REXO1: variants seen among roughly 807,000 people sequenced by gnomAD.
REXO1 encodes the protein RNA exonuclease 1 homolog.
A neutral mutation model predicts 102.6 loss-of-function variants in REXO1; 42 were observed. The observed-to-expected ratio is 0.41, with a 90% CI of 0.32 to 0.53. REXO1 has a LOEUF of 0.53. Among genes scored for constraint, REXO1 ranks in the 20% least tolerant of loss-of-function variants. The pLI is 0.27. For synonymous variants in REXO1, 908 were observed against 779.1 expected (o/e 1.17, Z -2.76); for missense variants, 1,819 against 1,732.5 (o/e 1.05, Z -0.89).
At chr19:1,839,712 G>A (rs538875916) in intron 1 of REXO1, among the ~76,000 whole-genome samples, 2 of 152,378 alleles carry the variant, frequency 1.3e-5, no homozygotes, top group African/African-American at 4.8e-5. Context: ...ACAAAGGGCA[G>A]GGCCCTCCCT....
Position 1,815,775 on chromosome 19 carries a change from A to G in REXO1, c.*291T>C. The G allele has an allele frequency of 6.9e-7, 1 of 1,445,122 alleles. No individual in the cohort carries two copies. The allele number at this position is 1,445,122 out of a possible 1,614,324, so 89.5% of individuals were successfully genotyped here. A position where few individuals can be genotyped will look rare whatever the true frequency, so the allele number is the denominator to read the frequency against. ...GGGAGGGCCTGGCAGGAGGGGCAGG[A>G]GGGGCTGCGGGCCGGGTGGGGGCGG... On this transcript the variant is annotated 3_prime_UTR_variant, in exon 16 of 16. Coordinates refer to ENST00000170168, the MANE Select transcript of REXO1 (RefSeq NM_020695.4). This position sits in a 1 kb window ranked among gnomAD's most constrained non-coding sequence, Gnocchi z 4.0.
chr19:1,837,780 A>G (rs777869480), intron 1 of REXO1, among the ~76,000 whole-genome samples: 16 of 152,308 alleles, frequency 1.1e-4, no homozygotes, highest in Admixed American at 2.6e-4. Flanking sequence ...GTGCAGTGCC[A>G]GGACCGCCCA....
intron 3 of REXO1, among the ~76,000 whole-genome samples, chr19:1,825,526 A>T (rs1254148079): frequency 2.0e-5 from 3 of 150,556 alleles, no homozygotes; most frequent in African/African-American, 7.3e-5. Context: ...CCCAGGCTGG[A>T]GTGCAGTGGT....
At chr19:1,837,159 C>T (rs1365919809) in intron 1 of REXO1, among the ~76,000 whole-genome samples, 1 of 152,222 alleles carries the variant, frequency 6.6e-6, no homozygotes, top group African/African-American at 2.4e-5. Flanking sequence ...CGGGAGCGCC[C>T]ATCCCATAAC....
At position 1,827,588 on chromosome 19, in the gene REXO1, C is replaced by T. The variant is rs772427261; in HGVS notation, c.1201G>A (p.Asp401Asn). 6.3e-7 allele frequency: 1 copy of T among 1,592,586 alleles called. No homozygotes were observed. The highest frequency in any genetic ancestry group is 1.1e-5 in the South Asian group (1 of 88,538). The change falls in exon 2 of 16, where the codon GAC becomes AAC. Residue 401 changes from aspartate (D) to asparagine (N), a missense_variant. Physicochemically the swap from Asp to Asn is conservative, Grantham distance 23. Coordinates refer to ENST00000170168, the MANE Select transcript of REXO1 (RefSeq NM_020695.4). Reference sequence around the variant, plus strand: ...TCCACAGGCCGCCCTCGGCCCTTGTCCTTGGTCTTGTCCTTCCCCTGGGCC... The same window carrying T: ...TCCACAGGCCGCCCTCGGCCCTTGTTCTTGGTCTTGTCCTTCCCCTGGGCC... ...DGAQGKDKTK[D>N]KGRGRPVEKP...
intron 1 of REXO1, among the ~76,000 whole-genome samples, chr19:1,844,709 C>T (rs1288026272): frequency 4.6e-5 from 7 of 152,218 alleles, no homozygotes; most frequent in Non-Finnish European, 1.5e-5. Context: ...ATCCTGAACC[C>T]GACTGCGGGA....
intron 1 of REXO1, among the ~76,000 whole-genome samples, chr19:1,836,743 CAA>C (rs1185957602): frequency 6.2e-5 from 4 of 64,584 alleles, no homozygotes; most frequent in African/African-American, 1.4e-4. Flanking sequence ...AAGACTGTCT[CAA>C]AAAAAAAAAA....
At position 1,828,608 on chromosome 19, in the gene REXO1, G is replaced by C; in HGVS notation, c.181C>G (p.Pro61Ala). ...AAGLGYDPYN[P>A]ELPKPPAQRE... ...TGCGCGGGGGGCTTGGGCAGCTCAGGGTTGTAGGGGTCGTAACCCAGCCCT... is the reference window on the plus strand; with the variant it reads ...TGCGCGGGGGGCTTGGGCAGCTCAGCGTTGTAGGGGTCGTAACCCAGCCCT... Residue 61 changes from proline to alanine, a missense_variant, in exon 2 of 16, where the codon CCT (proline) becomes GCT (alanine). Transcript: ENST00000170168. The C allele has an allele frequency of 6.2e-7, 1 of 1,601,354 alleles. No individual in the cohort carries two copies. Among genetic ancestry groups the C allele is most frequent in the East Asian group, 2.2e-5 (1 of 44,856 alleles).
chr19:1,819,078 C>T lies in REXO1; in HGVS notation c.2704G>A (p.Ala902Thr). Residue 902 changes from alanine (A) to threonine (T), a missense_variant, in exon 8 of 16, where the codon GCC (alanine) becomes ACC (threonine). Transcript: ENST00000170168. ...SHEVVLGGRL[A>T]AKTSFSLSRP... ...CTGAGCGAGAAGCTGGTCTTGGCGGCCAACCTGCCCCCCAACACCACCTCG... is the reference window on the plus strand; with the variant it reads ...CTGAGCGAGAAGCTGGTCTTGGCGGTCAACCTGCCCCCCAACACCACCTCG... 1 of 1,598,708 alleles carries T rather than the reference C, an allele frequency of 6.3e-7. No individual in the cohort carries two copies. The highest frequency in any genetic ancestry group is 8.5e-7 in the Non-Finnish European group (1 of 1,171,834).
At chr19:1,817,103 G>A in intron 12 of REXO1, 116 bp downstream of exon 12, 2 of 1,283,240 alleles carry the variant, frequency 1.6e-6, no homozygotes, top group Non-Finnish European at 2.1e-6. Flanking sequence ...GGTGCTGCGA[G>A]AGAAACCCTG....
At chr19:1,836,743 C>CAAAA (rs1185957602) in intron 1 of REXO1, among the ~76,000 whole-genome samples, 6 of 64,560 alleles carry the variant, frequency 9.3e-5, no homozygotes, top group Non-Finnish European at 1.4e-4. Context: ...AAGACTGTCT[C>CAAAA]AAAAAAAAAA....
intron 1 of REXO1, among the ~76,000 whole-genome samples, chr19:1,836,005 G>T (rs1359867914): frequency 6.6e-6 from 1 of 152,216 alleles, no homozygotes; most frequent in South Asian, 2.1e-4. Flanking sequence ...TGACAAAGAT[G>T]ATATTTCTTC....
chr19:1,816,124 C>G lies in REXO1; in HGVS notation c.3608G>C (p.Gly1203Ala). The change falls in exon 16 of 16, where the codon GGC becomes GCC. Residue 1203 changes from glycine (G) to alanine (A), a missense_variant. Transcript: ENST00000170168. ...CCAGATCACCAGGTGCATGCAGGCG[C>G]CGGCGTCCTCGCTGGAGCTGTGCCC... ...VDGHSSSEDAGACMHLVIWKV... is the reference protein window; with the variant it reads ...VDGHSSSEDAAACMHLVIWKV... 6.5e-7 allele frequency: 1 copy of G among 1,549,970 alleles called. No individual in the cohort carries two copies. Among genetic ancestry groups the G allele is most frequent in the East Asian group, 2.4e-5 (1 of 40,932 alleles).
Position 1,815,889 on chromosome 19 carries a change from G to A in REXO1, c.*177C>T, listed in dbSNP as rs1424438419. 1 of 1,530,100 alleles carries A rather than the reference G, an allele frequency of 6.5e-7. No homozygotes were observed. The highest frequency in any genetic ancestry group is 1.2e-5 in the South Asian group (1 of 83,108). The allele number at this position is 1,530,100 out of a possible 1,614,324, so 94.8% of individuals were successfully genotyped here. A position where few individuals can be genotyped will look rare whatever the true frequency, so the allele number is the denominator to read the frequency against. On this transcript the variant is annotated 3_prime_UTR_variant, in exon 16 of 16. Coordinates refer to ENST00000170168, the MANE Select transcript of REXO1 (RefSeq NM_020695.4). The surrounding 1 kb of genome is among the most constrained non-coding windows in gnomAD (Gnocchi z 4.0). ...TGGGGACCGGCGGAGGGGTGCGGCA[G>A]GACGTGAGCGGGGGTGGGCTGGGCT...
rs149210213 is a variant in REXO1 at position 1,842,487 on chromosome 19, G to A, written c.157+5715C>T. Among the ~76,000 whole-genome samples, 5 of 152,398 alleles carry A rather than the reference G, an allele frequency of 3.3e-5. No homozygotes were observed. The East Asian group carries it at 9.6e-4, about 29-fold the overall frequency. ...CGGGATCAGTCACTGCTCTACTGAA[G>A]ACCTAAGCAAAGAATCCTAAAATAT... On this transcript the variant is annotated intron_variant, in intron 1 of 15. Coordinates refer to ENST00000170168, the MANE Select transcript of REXO1 (RefSeq NM_020695.4).
At position 1,818,471 on chromosome 19, in the gene REXO1, T is replaced by TA. The variant is rs1274877174; in HGVS notation, c.3016+10dup. ...TGGGTGGGAAGGGGAAGGACCCGGGTAAGGCCTTACCCCGGTTCCGGCGCA... is the reference window on the plus strand; with the variant it reads ...TGGGTGGGAAGGGGAAGGACCCGGGTAAAGGCCTTACCCCGGTTCCGGCGCA... On this transcript the variant is annotated intron_variant, in intron 10 of 15. Transcript: ENST00000170168. 2 of 1,578,660 alleles carry TA rather than the reference T, an allele frequency of 1.3e-6. No individual in the cohort carries two copies. Among genetic ancestry groups the TA allele is most frequent in the Non-Finnish European group, 8.6e-7 (1 of 1,162,186 alleles).
intron 1 of REXO1, among the ~76,000 whole-genome samples, chr19:1,846,300 C>T (rs954171484): frequency 6.6e-6 from 1 of 152,126 alleles, no homozygotes; most frequent in Non-Finnish European, 1.5e-5. Flanking sequence ...GTCACGGAGG[C>T]GGAAACAGAG....
intron 1 of REXO1, among the ~76,000 whole-genome samples, chr19:1,843,029 C>G (rs1297876773): frequency 6.6e-6 from 1 of 152,190 alleles, no homozygotes; most frequent in South Asian, 2.1e-4. Flanking sequence ...CCTCTAACCC[C>G]CTCCACACAG....
At chr19:1,828,962 G>T (rs774108146) in intron 1 of REXO1, among the ~76,000 whole-genome samples, 1 of 152,214 alleles carries the variant, frequency 6.6e-6, no homozygotes, top group East Asian at 1.9e-4. Context: ...CGACAGGCTG[G>T]AACTCCCCGG....
Sources: gnomAD v4.1 joint callset for allele counts (sites outside exome capture counted in the v4.1 genomes callset) on GRCh38, gnomAD v4.1.1 for gene constraint, Gnocchi (gnomAD v3.1) non-coding constraint, MANE v1.5 for transcripts, NCBI Gene and HGNC (gene_info 2026-07-23, HGNC 2026-07-21) for gene names.